Variants in HDAC5 observed in about 807,000 individuals in gnomAD.
HDAC5 encodes the protein histone deacetylase 5, also known as antigen NY-CO-9.
In HDAC5, 25 loss-of-function variants were observed where a neutral mutation model predicts 133.3. The ratio of observed to expected loss-of-function variants is 0.19; its 90% CI spans 0.14 to 0.26. The LOEUF is 0.26. HDAC5 is among the 10% of genes least tolerant of loss of function. The pLI is 1.00. For synonymous variants in HDAC5, 589 were observed against 610.8 expected (o/e 0.96, Z 0.53); for missense variants, 1,041 against 1,460.5 (o/e 0.71, Z 4.68).
intron 1 of HDAC5, among the ~76,000 whole-genome samples, chr17:44,118,138 T>G (rs553720660): frequency 6.6e-6 from 1 of 152,200 alleles, no homozygotes; most frequent in African/African-American, 2.4e-5. Context: ...CCAGCCTCCA[T>G]AGCCTAAGCT....
chr17:44,088,281 G>A (rs564145845), intron 12 of HDAC5, 106 bp downstream of exon 12: 46 of 1,460,406 alleles, frequency 3.1e-5, no homozygotes, highest in Middle Eastern at 2.5e-4. Flanking sequence ...CCAATCAGGC[G>A]CGAGCCACCG....
intron 22 of HDAC5, 69 bp from the exon 23 acceptor site, chr17:44,080,294 C>G (rs2050329909): frequency 1.3e-6 from 2 of 1,547,672 alleles, no homozygotes; most frequent in Non-Finnish European, 1.8e-6. Flanking sequence ...TGTTATCCTC[C>G]CAGAGACAAC....
intron 12 of HDAC5, 94 bp downstream of exon 12, chr17:44,088,293 G>A (rs1460055693): frequency 6.7e-7 from 1 of 1,481,872 alleles, no homozygotes; most frequent in Non-Finnish European, 9.0e-7. Context: ...GAGCCACCGT[G>A]TCTGGCCTGA....
At chr17:44,080,040 C>G in intron 23 of HDAC5, 67 bp downstream of exon 23, 1 of 1,118,460 alleles carries the variant, frequency 8.9e-7, no homozygotes, top group Non-Finnish European at 1.4e-6. Context: ...TGTTCCCTGC[C>G]CCATGCCTCA....
chr17:44,111,639 C>T, intron 2 of HDAC5: 2 of 518,024 alleles, frequency 3.9e-6, no homozygotes, highest in South Asian at 2.8e-5. Flanking sequence ...AGGCACCTTC[C>T]CTGGAGTTCT....
chr17:44,082,468 C>T, intron 20 of HDAC5, 117 bp downstream of exon 20: 2 of 782,710 alleles, frequency 2.6e-6, no homozygotes, highest in Non-Finnish European at 4.3e-6. Flanking sequence ...ACCCAGCACC[C>T]GAGGATGAGG....
rs183013549 is a variant in HDAC5 at position 44,079,739 on chromosome 17, T to C, written c.2944+368A>G. On this transcript the variant is annotated intron_variant, in intron 23 of 26. Transcript: ENST00000682912. ...GTGATGGGAGATATAAACCCAAATATATCCATAATAAAATACAGCATCAGT... is the reference window on the plus strand; with the variant it reads ...GTGATGGGAGATATAAACCCAAATACATCCATAATAAAATACAGCATCAGT... Among the ~76,000 whole-genome samples, 26 of 149,040 alleles carry C rather than the reference T, an allele frequency of 1.7e-4. No individual in the cohort carries two copies. In the East Asian group the frequency reaches 4.0e-3, roughly 23 times the overall value.
chr17:44,088,537 C>T lies in HDAC5; in HGVS notation c.1449G>A (p.Thr483=), dbSNP rs371064760. The change falls in exon 12 of 27, where the codon ACG becomes ACA. Residue 483 remains threonine, a synonymous_variant. Transcript: ENST00000682912. ...TGERVATSMR[T]VGKLPRHRPL... is the part of the protein sequence containing the mutation. ...GCCGATGCCGCGGGAGCTTGCCTAC[C>T]GTCCGCATGCTGGTGGCCACACGTT... The T allele has an allele frequency of 3.8e-5, 61 of 1,613,360 alleles. No homozygotes were observed. The highest frequency in any genetic ancestry group is 2.9e-4 in the East Asian group (13 of 44,876).
chr17:44,083,758 C>T lies in HDAC5; in HGVS notation c.2355+47G>A, dbSNP rs761533397. The T allele has an allele frequency of 3.1e-6, 5 of 1,591,746 alleles. No individual in the cohort carries two copies. In the Admixed American group the frequency reaches 8.4e-5, roughly 27 times the overall value. On this transcript the variant is annotated intron_variant, in intron 17 of 26. Transcript: ENST00000682912. ...CTGTGGTAGGCAGGGAAGAGACAGA[C>T]CTAGGAGAGCCGCCCGCCCACCCCC... is the stretch of plus-strand genomic sequence containing the variant.
rs551008771 is a variant in HDAC5, at chr17:44,110,951, G to A, written c.23-151C>T. ...TGGTCGGGCAGCCCGCACAGCACAG[G>A]TTCCCTCAGGCCACTGCCGACGGGA... is the stretch of plus-strand genomic sequence containing the variant. On this transcript the variant is annotated intron_variant, in intron 2 of 26. Transcript: ENST00000682912. The A allele has an allele frequency of 4.6e-6, 3 of 654,832 alleles. No individual in the cohort carries two copies. In the Admixed American group the frequency reaches 6.5e-5, roughly 14 times the overall value. The allele number at this position is 654,832 out of a possible 1,614,324, so 40.6% of individuals were successfully genotyped here. A position where few individuals can be genotyped will look rare whatever the true frequency, so the allele number is the denominator to read the frequency against.
intron 21 of HDAC5, 21 bp from the exon 22 acceptor site, chr17:44,080,519 A>G (rs775315452): frequency 6.2e-7 from 1 of 1,610,960 alleles, no homozygotes; most frequent in East Asian, 2.2e-5. Context: ...AGTTGGGGAG[A>G]GGGCTATTCT....
In HDAC5 at chr17:44,117,611, A is replaced by G; in HGVS notation, c.-96T>C. On this transcript the variant is annotated 5_prime_UTR_variant, in exon 2 of 27. Transcript: ENST00000682912. The surrounding 1 kb of genome is among the most constrained non-coding windows in gnomAD (Gnocchi z 4.2). ...AAGAGAGACAGACGATAACAGACAG[A>G]CGGACGGGACGGGAGCCCGGGGCCG... is the stretch of plus-strand genomic sequence containing the variant. The G allele has an allele frequency of 6.9e-7, 1 of 1,442,224 alleles. No homozygotes were observed. Among genetic ancestry groups the G allele is most frequent in the Non-Finnish European group, 9.7e-7 (1 of 1,035,736 alleles). The allele number at this position is 1,442,224 out of a possible 1,614,324, so 89.3% of individuals were successfully genotyped here. A position where few individuals can be genotyped will look rare whatever the true frequency, so the allele number is the denominator to read the frequency against.
chr17:44,091,915 T>A, intron 9 of HDAC5, 84 bp from the exon 10 acceptor site: 1 of 1,450,080 alleles, frequency 6.9e-7, no homozygotes, highest in Non-Finnish European at 9.2e-7. Context: ...AAGGCCAAGG[T>A]CTCTGAATGG....
chr17:44,100,578 C>CAAAAAAAAAAAAA (rs869274112), intron 3 of HDAC5, among the ~76,000 whole-genome samples: 3 of 89,370 alleles, frequency 3.4e-5, no homozygotes, highest in African/African-American at 1.4e-4. Context: ...ACTAAAGATA[C>CAAAAAAAAAAAAA]AAAAAAAAAA....
chr17:44,102,225 G>T (rs2051657579), intron 3 of HDAC5, among the ~76,000 whole-genome samples: 1 of 152,230 alleles, frequency 6.6e-6, no homozygotes, highest in South Asian at 2.1e-4. Context: ...CTGGCATGAG[G>T]ACGTATCTAC....
intron 3 of HDAC5, 87 bp downstream of exon 3, chr17:44,110,642 A>G (rs2052276145): frequency 4.8e-6 from 5 of 1,037,096 alleles, no homozygotes; most frequent in Non-Finnish European, 7.5e-6. Context: ...GCAGGACCCT[A>G]TCTGTGCAAG....
chr17:44,084,738 C>T (rs2050567319), intron 15 of HDAC5, 63 bp from the exon 16 acceptor site: 5 of 1,584,668 alleles, frequency 3.2e-6, no homozygotes, highest in Non-Finnish European at 2.6e-6. Context: ...CCTCTCTGCC[C>T]CATAGCCAGG....
At chr17:44,084,442 T>A in intron 16 of HDAC5, 113 bp downstream of exon 16, 1 of 1,280,920 alleles carries the variant, frequency 7.8e-7, no homozygotes. Context: ...GCCGCAGCAA[T>A]GCCCTATGCC....
chr17:44,120,237 C>T (rs909992343), intron 1 of HDAC5: 3 of 152,314 alleles, frequency 2.0e-5, no homozygotes, highest in African/African-American at 7.2e-5. Flanking sequence ...GTTCCTCAAA[C>T]AACTCCCTCA....
Sources: allele counts gnomAD v4.1 joint callset (sites outside exome capture counted in the v4.1 genomes callset), GRCh38; gene constraint gnomAD v4.1.1; non-coding constraint Gnocchi (gnomAD v3.1); transcripts MANE v1.5; gene names NCBI Gene and HGNC (gene_info 2026-07-23, HGNC 2026-07-21).